Variants in N4BP2L2 observed in about 807,000 individuals in gnomAD.
N4BP2L2 encodes the protein NEDD4 binding protein 2 like 2.
In N4BP2L2, 50 loss-of-function variants were observed where a neutral mutation model predicts 56.2. The ratio of observed to expected loss-of-function variants is 0.89; its 90% confidence interval spans 0.71 to 1.13. The LOEUF (loss-of-function observed/expected upper bound fraction) is 1.13. Among genes scored for constraint, N4BP2L2 ranks in the 50% most tolerant of loss-of-function variants. The probability of loss-of-function intolerance (pLI) is 0.00; values close to 1 mark genes in which losing one functional copy is unlikely to be tolerated. For missense variants in N4BP2L2, 689 were observed against 693.8 expected (o/e 0.99, Z 0.08); for synonymous variants, 203 against 223.6 (o/e 0.91, Z 0.82).
intron 6 of N4BP2L2, among the ~76,000 whole-genome samples, chr13:32,490,787 T>C (rs898834151): frequency 2.0e-5 from 3 of 152,078 alleles, no homozygotes; most frequent in African/African-American, 7.2e-5. Flanking sequence ...TGTGCTCCTA[T>C]GAGAATCTAA....
intron 6 of N4BP2L2, chr13:32,444,206 T>C (rs2076693657): frequency 1.8e-6 from 2 of 1,103,420 alleles, no homozygotes; most frequent in Admixed American, 3.5e-5. Context: ...ATACTCTTCA[T>C]GTGCAGGTTT....
chr13:32,451,920 C>A (rs772751557), intron 6 of N4BP2L2, among the ~76,000 whole-genome samples: 1 of 152,186 alleles, frequency 6.6e-6, no homozygotes, highest in Non-Finnish European at 1.5e-5. Flanking sequence ...TTTTCTCCCC[C>A]CAGCAAGGGA....
intron 6 of N4BP2L2, among the ~76,000 whole-genome samples, chr13:32,451,985 T>A (rs1306319314): frequency 6.6e-6 from 1 of 152,186 alleles, no homozygotes; most frequent in African/African-American, 2.4e-5. Context: ...CAAGGAATTG[T>A]TCACTGCAAT....
chr13:32,446,310 G>C, intron 6 of N4BP2L2: 1 of 1,271,026 alleles, frequency 7.9e-7, no homozygotes, highest in Non-Finnish European at 1.1e-6. Flanking sequence ...AGGATATTGA[G>C]TAAAGAGTGC....
chr13:32,538,567 G>A, intron 1 of N4BP2L2, 51 bp downstream of exon 1: 1 of 954,808 alleles, frequency 1.0e-6, no homozygotes, highest in African/African-American at 1.8e-5. Context: ...AAGTGAAAGC[G>A]AAAAACACCA....
intron 3 of N4BP2L2, among the ~76,000 whole-genome samples, chr13:32,526,563 A>G (rs2052864228): frequency 6.6e-6 from 1 of 152,312 alleles, no homozygotes; most frequent in African/African-American, 2.4e-5. Flanking sequence ...TGATGGGTCT[A>G]TGAGGTTCAT....
At position 32,443,601 on chromosome 13, in the gene N4BP2L2, A is replaced by C. The variant is rs750010019; in HGVS notation, c.891T>G (p.Leu297=). ...TAAATAAGCATGAAGTTTCCGCAGA[A>C]AGGTCCTGGGTGTCTAATGCTATGG... Residue 297 remains leucine, a synonymous_variant, in exon 7 of 10, where the codon CTT becomes CTG. Transcript: ENST00000357505. 4 of 1,611,892 alleles carry C rather than the reference A, an allele frequency of 2.5e-6. 1 individual carries two copies. The South Asian group carries it at 4.4e-5, about 18-fold the overall frequency.
chr13:32,472,291 G>C (rs1329286166), intron 6 of N4BP2L2, among the ~76,000 whole-genome samples: 1 of 152,172 alleles, frequency 6.6e-6, no homozygotes, highest in Non-Finnish European at 1.5e-5. Context: ...ATAGAGAAAT[G>C]CTGAGTCAGT....
intron 6 of N4BP2L2, among the ~76,000 whole-genome samples, chr13:32,489,271 G>T (rs1050467416): frequency 6.6e-6 from 1 of 152,192 alleles, no homozygotes; most frequent in African/African-American, 2.4e-5. Context: ...ATAGTGTGAT[G>T]TGTTGAATTT....
At chr13:32,477,140 T>TTTTTTA in intron 6 of N4BP2L2, 1 of 600,122 alleles carries the variant, frequency 1.7e-6, no homozygotes, top group South Asian at 1.5e-5. Context: ...CTCTTGCCAC[T>TTTTTTA]ATCATACACC....
intron 6 of N4BP2L2, among the ~76,000 whole-genome samples, chr13:32,454,462 T>C (rs2078620271): frequency 6.6e-6 from 1 of 152,172 alleles, no homozygotes; most frequent in South Asian, 2.1e-4. Context: ...CATATTATAT[T>C]ATTTAAAATT....
At chr13:32,476,466 G>C (rs1463561955) in intron 6 of N4BP2L2, among the ~76,000 whole-genome samples, 1 of 152,078 alleles carries the variant, frequency 6.6e-6, no homozygotes, top group Non-Finnish European at 1.5e-5. Flanking sequence ...TAAGGATCTG[G>C]AACTACAACC....
rs374323188 is a variant in N4BP2L2 at position 32,517,759 on chromosome 13, T to C, written c.*43A>G. On this transcript the variant is annotated 3_prime_UTR_variant, in exon 6 of 6. Transcript: ENST00000267068. ...ACTCCAAGACAGGCTCACTAACTCT[T>C]TTTCAAGTGCAACAACAAATGTGTT... The C allele has an allele frequency of 8.1e-6, 13 of 1,604,018 alleles. No individual in the cohort carries two copies. The African/African-American group carries it at 1.3e-4, about 16-fold the overall frequency.
At chr13:32,498,135 C>A (rs994734649) in intron 6 of N4BP2L2, among the ~76,000 whole-genome samples, 1 of 152,030 alleles carries the variant, frequency 6.6e-6, no homozygotes, top group African/African-American at 2.4e-5. Flanking sequence ...TAGGCATATG[C>A]CACCATACTT....
chr13:32,484,736 CA>C (rs1370378198), intron 6 of N4BP2L2, among the ~76,000 whole-genome samples: 1 of 152,182 alleles, frequency 6.6e-6, no homozygotes, highest in Non-Finnish European at 1.5e-5. Flanking sequence ...CCGCAAGCCT[CA>C]GTCTCCCAAA....
At chr13:32,516,887 C>G (rs2049348389) in exon 6 of N4BP2L2, 1 of 984,390 alleles carries the variant, frequency 1.0e-6, no homozygotes, top group Non-Finnish European at 1.2e-6. Context: ...GACAAGACCT[C>G]TGAAATGAAT....
chr13:32,536,673 T>C (rs764553812), exon 2 of N4BP2L2: 4 of 1,614,018 alleles, frequency 2.5e-6, no homozygotes, highest in African/African-American at 2.7e-5. Flanking sequence ...GCTTTACTTG[T>C]GCTATATATC....
At chr13:32,443,274 C>A in exon 7 of N4BP2L2, 1 of 1,613,926 alleles carries the variant, frequency 6.2e-7, no homozygotes, top group Non-Finnish European at 8.5e-7. Flanking sequence ...AAGTGAAGAT[C>A]ATTTGAATCC....
At chr13:32,517,766 G>A (rs367578646) in exon 6 of N4BP2L2, 2 of 1,604,514 alleles carry the variant, frequency 1.2e-6, no homozygotes, top group Non-Finnish European at 8.5e-7. Context: ...TCTTTTTCAA[G>A]TGCAACAACA....
Sources: allele counts gnomAD v4.1 joint callset (sites outside exome capture counted in the v4.1 genomes callset), GRCh38; gene constraint gnomAD v4.1.1; transcripts MANE v1.5; gene names NCBI Gene and HGNC (gene_info 2026-07-23, HGNC 2026-07-21).